The following GMDS variants were observed in gnomAD, a reference collection of about 807,000 sequenced individuals.
GMDS encodes the protein GDP-mannose 4,6-dehydratase, also known as GDP-mannose 4,6 dehydratase.
Under a neutral mutation model 49.9 loss-of-function variants are expected in GMDS, and 20 were observed. The observed-to-expected ratio is 0.40, with a 90% confidence interval of 0.28 to 0.58. The LOEUF is 0.58. Ranked by LOEUF, GMDS falls within the 20% of genes least tolerant of loss-of-function variation. The pLI is 0.42. For synonymous variants in GMDS, 177 were observed against 178.6 expected (o/e 0.99, Z 0.07); for missense variants, 362 against 481.4 (o/e 0.75, Z 2.32).
At chr6:1,746,278 T>C (rs1056372104) in intron 7 of GMDS, among the ~76,000 whole-genome samples, 3 of 152,226 alleles carry the variant, frequency 2.0e-5, no homozygotes, top group Admixed American at 1.3e-4. Context: ...CTGCATTCTT[T>C]TGGTGTCCTT....
At chr6:1,914,129 T>G (rs951956934) in intron 7 of GMDS, among the ~76,000 whole-genome samples, 27 of 137,930 alleles carry the variant, frequency 2.0e-4, no homozygotes, top group Non-Finnish European at 3.7e-4. Context: ...CGTTTTTTGT[T>G]TGTTTTTTTT....
chr6:1,682,917 C>G (rs1433566030), intron 9 of GMDS, among the ~76,000 whole-genome samples: 1 of 152,176 alleles, frequency 6.6e-6, no homozygotes, highest in African/African-American at 2.4e-5. Flanking sequence ...AATTTACTGA[C>G]ATTTTAATTC....
intron 7 of GMDS, among the ~76,000 whole-genome samples, chr6:1,777,020 T>C (rs563370228): frequency 1.3e-5 from 2 of 152,340 alleles, no homozygotes; most frequent in Non-Finnish European, 2.9e-5. Flanking sequence ...TAGATAATCA[T>C]GAGTGTGAAA....
chr6:2,096,639 G>C (rs1773619170), intron 4 of GMDS, among the ~76,000 whole-genome samples: 1 of 152,148 alleles, frequency 6.6e-6, no homozygotes, highest in Admixed American at 6.6e-5. Context: ...AGGTTCTTTA[G>C]CTGGGAAGTC....
intron 1 of GMDS, among the ~76,000 whole-genome samples, chr6:2,159,787 G>A (rs373358842): frequency 1.6e-4 from 24 of 151,878 alleles, no homozygotes; most frequent in African/African-American, 4.8e-4. Flanking sequence ...AAAGTGCTGG[G>A]ACTACAGGTG....
chr6:1,947,755 T>C (rs1763149670), intron 6 of GMDS, among the ~76,000 whole-genome samples: 1 of 152,220 alleles, frequency 6.6e-6, no homozygotes, highest in South Asian at 2.1e-4. Context: ...ATCTGGGAAT[T>C]AGCCCATAAA....
intron 4 of GMDS, among the ~76,000 whole-genome samples, chr6:2,041,476 C>G (rs1055504480): frequency 6.6e-6 from 1 of 152,224 alleles, no homozygotes; most frequent in African/African-American, 2.4e-5. Flanking sequence ...CAGAGCCATT[C>G]TGACACCAAG....
At chr6:1,902,770 A>G (rs1413758285) in intron 7 of GMDS, among the ~76,000 whole-genome samples, 1 of 152,206 alleles carries the variant, frequency 6.6e-6, no homozygotes, top group Admixed American at 6.5e-5. Flanking sequence ...TAACAGGTAA[A>G]AACACTCTGA....
chr6:1,775,797 C>T (rs1461736562), intron 7 of GMDS, among the ~76,000 whole-genome samples: 2 of 152,152 alleles, frequency 1.3e-5, no homozygotes, highest in African/African-American at 4.8e-5. Context: ...AATTATCCTA[C>T]ACTTTTTCAA....
chr6:2,147,568 A>C (rs547050675), intron 1 of GMDS, among the ~76,000 whole-genome samples: 1 of 151,976 alleles, frequency 6.6e-6, no homozygotes, highest in Non-Finnish European at 1.5e-5. Context: ...GTCTGGCGTT[A>C]AGACATTGGA....
chr6:1,898,941 GAATT>G (rs1442082108), intron 7 of GMDS, among the ~76,000 whole-genome samples: 1 of 152,138 alleles, frequency 6.6e-6, no homozygotes, highest in African/African-American at 2.4e-5. Context: ...CACAAATAAT[GAATT>G]AATTACAACG....
chr6:2,124,598 A>T, intron 2 of GMDS, 89 bp downstream of exon 2: 12 of 948,018 alleles, frequency 1.3e-5, no homozygotes, highest in Non-Finnish European at 2.1e-5. Flanking sequence ...TGGAAAACAC[A>T]CTCAGGAGGA....
At chr6:1,700,157 G>A (rs1765495283) in intron 9 of GMDS, among the ~76,000 whole-genome samples, 1 of 152,078 alleles carries the variant, frequency 6.6e-6, no homozygotes, top group South Asian at 2.1e-4. Context: ...CAAAGTGCAG[G>A]GAAAGGAACA....
intron 8 of GMDS, among the ~76,000 whole-genome samples, chr6:1,737,241 C>T (rs577165373): frequency 6.1e-4 from 93 of 152,286 alleles, no homozygotes; most frequent in African/African-American, 1.9e-3. Context: ...CCCACAACGA[C>T]AACAAGCAGC....
At chr6:1,917,725 C>T (rs532420623) in intron 7 of GMDS, among the ~76,000 whole-genome samples, 1 of 152,336 alleles carries the variant, frequency 6.6e-6, no homozygotes, top group Admixed American at 6.5e-5. Context: ...AATGGGGTAT[C>T]TGTATCCTGT....
chr6:1,849,902 A>C (rs1051931298), intron 7 of GMDS, among the ~76,000 whole-genome samples: 1 of 152,180 alleles, frequency 6.6e-6, no homozygotes, highest in Non-Finnish European at 1.5e-5. Flanking sequence ...ATTGCTCAGA[A>C]AAAAAGTGGG....
At position 2,002,835 on chromosome 6, in the gene GMDS, ATAGAG is replaced by A. The variant is rs374288351; in HGVS notation, c.346-41874_346-41870del. Among the ~76,000 whole-genome samples, 70 of 152,306 alleles carry A rather than the reference ATAGAG, an allele frequency of 4.6e-4. No individual in the cohort carries two copies. The East Asian group carries it at 0.012, about 27-fold the overall frequency. ...ACACCTGTAAAAAATCCCATACTTAATAGAGTATTCTTATCTTCACAAATTAGATG... is the reference window on the plus strand; with the variant it reads ...ACACCTGTAAAAAATCCCATACTTAATATTCTTATCTTCACAAATTAGATG... On this transcript the variant is annotated intron_variant, in intron 4 of 10. Transcript: ENST00000380815.
chr6:2,116,481 T>C (rs942254491), intron 3 of GMDS, among the ~76,000 whole-genome samples: 2 of 152,230 alleles, frequency 1.3e-5, no homozygotes, highest in Non-Finnish European at 2.9e-5. Context: ...GATCTTTTCA[T>C]CATTTTTACA....
intron 4 of GMDS, among the ~76,000 whole-genome samples, chr6:2,065,692 G>C (rs1771531137): frequency 6.6e-6 from 1 of 152,072 alleles, no homozygotes; most frequent in African/African-American, 2.4e-5. Flanking sequence ...TGAAATGAAT[G>C]AAATGAAGCG....
Sources: gnomAD v4.1 joint callset for allele counts (sites outside exome capture counted in the v4.1 genomes callset) on GRCh38, gnomAD v4.1.1 for gene constraint, MANE v1.5 for transcripts, NCBI Gene and HGNC (gene_info 2026-07-23, HGNC 2026-07-21) for gene names.